Variants in MMP16 observed in about 807,000 individuals in gnomAD.
MMP16 encodes matrix metalloproteinase-16.
Under a neutral mutation model 67.8 loss-of-function variants are expected in MMP16, and 12 were observed. The ratio of observed to expected loss-of-function variants is 0.18; its 90% CI spans 0.11 to 0.29. The LOEUF (loss-of-function observed/expected upper bound fraction) is 0.29, where lower values mean the gene tolerates loss of function less well. MMP16 is among the 10% of genes least tolerant of loss of function. The pLI, the probability that MMP16 is intolerant of heterozygous loss-of-function variation, is 1.00. For synonymous variants in MMP16, 249 were observed against 255.9 expected, an observed-to-expected ratio of 0.97 and a Z score of 0.26; for missense variants, 475 against 765.7, an observed-to-expected ratio of 0.62 and a Z score of 4.48.
chr8:88,051,104 A>G (rs917837256), intron 8 of MMP16, among the ~76,000 whole-genome samples: 1 of 152,200 alleles, frequency 6.6e-6, no homozygotes, highest in East Asian at 1.9e-4. Context: ...GCTTTGAAAT[A>G]TTTCCAGTAA....
Position 88,038,877 on chromosome 8 carries a change from T to C in MMP16, c.*2584A>G, listed in dbSNP as rs1808091942. ...CTCTTAAAATATTGTCTGCATTGTA[T>C]GATATTTTACTGTAAAGCCATTCTT... On this transcript the variant is annotated 3_prime_UTR_variant, in exon 10 of 10. Coordinates refer to ENST00000286614, the MANE Select transcript of MMP16 (RefSeq NM_005941.5). The surrounding 1 kb of genome is among the most constrained non-coding windows in gnomAD (Gnocchi z 4.1). 6.6e-6 allele frequency: 1 copy of C among 152,608 alleles called. No individual in the cohort carries two copies. Among genetic ancestry groups the C allele is most frequent in the Admixed American group, 6.6e-5 (1 of 15,250 alleles). 9.5% of individuals were successfully genotyped at this position (152,608 alleles called of 1,614,324 possible).
In MMP16 at chr8:88,245,040, C is replaced by T. The variant is rs116572403; in HGVS notation, c.133-47734G>A. ...TAAGGCCCAGACTGATGTAAATTCA[C>T]GTTGTTTTTCTTCCCTGAGGTTTTA... On this transcript the variant is annotated intron_variant, in intron 1 of 9. Transcript: ENST00000286614. Among the ~76,000 whole-genome samples the T allele has an allele frequency of 6.7e-3, 1,020 of 152,198 alleles. 7 individuals are homozygous for T. The highest frequency in any genetic ancestry group is 0.023 in the African/African-American group (974 of 41,522).
intron 1 of MMP16, among the ~76,000 whole-genome samples, chr8:88,207,533 C>T (rs912610961): frequency 1.2e-4 from 19 of 152,100 alleles, no homozygotes; most frequent in African/African-American, 4.6e-4. Context: ...CAAAGTGCTG[C>T]TAGTGATGCT....
chr8:88,174,374 A>T (rs1368055716), intron 3 of MMP16, among the ~76,000 whole-genome samples: 1 of 152,200 alleles, frequency 6.6e-6, no homozygotes, highest in East Asian at 1.9e-4. Context: ...GGAAATACAG[A>T]TCTATTTGAT....
intron 6 of MMP16, among the ~76,000 whole-genome samples, chr8:88,111,238 G>T (rs1448898032): frequency 6.6e-6 from 1 of 151,676 alleles, no homozygotes; most frequent in African/African-American, 2.4e-5. Flanking sequence ...GGGGTTACAA[G>T]ATGCCAAAAT....
chr8:88,108,448 A>G (rs2118403630), intron 6 of MMP16, among the ~76,000 whole-genome samples: 1 of 151,362 alleles, frequency 6.6e-6, no homozygotes, highest in Middle Eastern at 3.4e-3. Context: ...CATAGTAAGG[A>G]CACTAAGCAT....
intron 1 of MMP16, among the ~76,000 whole-genome samples, chr8:88,208,483 C>T (rs1255323956): frequency 1.3e-5 from 2 of 152,096 alleles, no homozygotes; most frequent in Non-Finnish European, 2.9e-5. Flanking sequence ...CACCAAGAAC[C>T]CCATAAATCC....
chr8:88,266,094 T>C (rs537798896), intron 1 of MMP16, among the ~76,000 whole-genome samples: 123 of 152,364 alleles, frequency 8.1e-4, no homozygotes, highest in South Asian at 1.2e-3. Context: ...CCAAACATCA[T>C]ATGGCCTTTA....
At chr8:88,102,118 C>T (rs1414306821) in intron 6 of MMP16, among the ~76,000 whole-genome samples, 1 of 151,814 alleles carries the variant, frequency 6.6e-6, no homozygotes, top group Non-Finnish European at 1.5e-5. Context: ...ATATGTGGAG[C>T]TTTGTCCCTA....
At chr8:88,105,880 AAAG>A (rs980974387) in intron 6 of MMP16, among the ~76,000 whole-genome samples, 12 of 149,614 alleles carry the variant, frequency 8.0e-5, no homozygotes, top group African/African-American at 2.8e-4. Context: ...GCATGACAAA[AAAG>A]AATAAAATAT....
In MMP16 at chr8:88,063,224, A is replaced by C. The variant is rs540245217; in HGVS notation, c.1223-6946T>G. On this transcript the variant is annotated intron_variant, in intron 7 of 9. Coordinates refer to ENST00000286614, the MANE Select transcript of MMP16 (RefSeq NM_005941.5). ...TATTCATCTATCCATCCATCTATTC[A>C]ATGGATGGATGACATTCAATCATCC... 4.0e-4 allele frequency among the ~76,000 whole-genome samples: 61 copies of C among 152,174 alleles called. 1 individual carries two copies. The South Asian group carries it at 7.9e-3, about 20-fold the overall frequency.
intron 1 of MMP16, among the ~76,000 whole-genome samples, chr8:88,200,736 A>G (rs144616980): frequency 2.7e-4 from 41 of 152,056 alleles, no homozygotes; most frequent in African/African-American, 8.7e-4. Context: ...AGTGACAAAA[A>G]TGACTTTGTC....
intron 3 of MMP16, among the ~76,000 whole-genome samples, chr8:88,183,562 T>C (rs1809017010): frequency 6.6e-6 from 1 of 152,252 alleles, no homozygotes; most frequent in Non-Finnish European, 1.5e-5. Flanking sequence ...CCTCTATTAG[T>C]AGCTGTGCAA....
intron 6 of MMP16, among the ~76,000 whole-genome samples, chr8:88,114,229 T>C (rs1224151081): frequency 6.6e-6 from 1 of 151,860 alleles, no homozygotes; most frequent in African/African-American, 2.4e-5. Flanking sequence ...ATGTTGCATA[T>C]GTCTGAATTA....
At chr8:88,228,772 T>C (rs1809810669) in intron 1 of MMP16, among the ~76,000 whole-genome samples, 1 of 152,094 alleles carries the variant, frequency 6.6e-6, no homozygotes, top group Admixed American at 6.6e-5. Context: ...AGAAGGCAAC[T>C]ATTAAGTAAA....
intron 6 of MMP16, among the ~76,000 whole-genome samples, chr8:88,115,413 T>C (rs1352728294): frequency 6.6e-6 from 1 of 152,090 alleles, no homozygotes; most frequent in African/African-American, 2.4e-5. Context: ...AGGGCAGTTA[T>C]AGAATTCAAA....
At chr8:88,311,333 C>T (rs1228021043) in intron 1 of MMP16, among the ~76,000 whole-genome samples, 1 of 152,054 alleles carries the variant, frequency 6.6e-6, no homozygotes, top group Non-Finnish European at 1.5e-5. Context: ...TCTGAGTGTC[C>T]TAAAACTTTC....
At chr8:88,130,184 T>C (rs1402703185) in intron 4 of MMP16, among the ~76,000 whole-genome samples, 1 of 151,756 alleles carries the variant, frequency 6.6e-6, no homozygotes, top group Non-Finnish European at 1.5e-5. Context: ...AATCACAAAT[T>C]CAGTAATTAT....
At chr8:88,193,900 T>C (rs1436160228) in intron 2 of MMP16, among the ~76,000 whole-genome samples, 2 of 151,886 alleles carry the variant, frequency 1.3e-5, no homozygotes, top group Non-Finnish European at 2.9e-5. Context: ...CCTTGTAAAA[T>C]ATATATATTT....
Sources: gnomAD v4.1 joint callset for allele counts (sites outside exome capture counted in the v4.1 genomes callset) on GRCh38, gnomAD v4.1.1 for gene constraint, Gnocchi (gnomAD v3.1) non-coding constraint, MANE v1.5 for transcripts, NCBI Gene and HGNC (gene_info 2026-07-23, HGNC 2026-07-21) for gene names.